The following MORN5 variants were observed in gnomAD, a reference collection of about 807,000 sequenced individuals.
MORN5 encodes the protein MORN repeat containing 5, also known as MORN repeat-containing protein 5.
Under a neutral mutation model 22.1 loss-of-function variants are expected in MORN5, and 21 were observed. The observed-to-expected ratio is 0.95, with a 90% CI of 0.67 to 1.37. The LOEUF (loss-of-function observed/expected upper bound fraction) is 1.37, where lower values mean the gene tolerates loss of function less well. Among genes scored for constraint, MORN5 ranks in the 40% most tolerant of loss-of-function variants. The pLI is 0.00. For synonymous variants in MORN5, 73 were observed against 74.0 expected (o/e 0.99, Z 0.07); for missense variants, 211 against 215.1 (o/e 0.98, Z 0.12).
intron 2 of MORN5, among the ~76,000 whole-genome samples, chr9:122,168,593 G>A (rs1019770565): frequency 1.4e-4 from 21 of 152,166 alleles, no homozygotes; most frequent in African/African-American, 4.8e-4. Flanking sequence ...ATTTCCACCC[G>A]TGTTTCCTGA....
chr9:122,164,426 T>C lies in MORN5; in HGVS notation c.48-2342T>C, dbSNP rs1338672554. Among the ~76,000 whole-genome samples the C allele has an allele frequency of 2.6e-5, 4 of 152,304 alleles. No homozygotes were observed. The East Asian group carries it at 5.8e-4, about 22-fold the overall frequency. ...AAATGTAGGAGAGGTTTGGGGATTT[T>C]ACTGCCAGGAGTTGGCAGCTGATTG... is the stretch of plus-strand genomic sequence containing the variant. On this transcript the variant is annotated intron_variant, in intron 1 of 4. Transcript: ENST00000373764.
chr9:122,165,015 C>T (rs1021210639), intron 1 of MORN5, among the ~76,000 whole-genome samples: 1 of 152,104 alleles, frequency 6.6e-6, no homozygotes, highest in Admixed American at 6.5e-5. Flanking sequence ...TTTAAAGAAG[C>T]TTTTCTTAAA....
intron 4 of MORN5, among the ~76,000 whole-genome samples, chr9:122,195,285 C>T (rs1173104072): frequency 1.3e-5 from 2 of 152,204 alleles, no homozygotes; most frequent in African/African-American, 4.8e-5. Context: ...CGCTCAATTT[C>T]CCTGTTATGA....
chr9:122,193,600 T>C (rs1285419892), intron 4 of MORN5, among the ~76,000 whole-genome samples: 8 of 152,218 alleles, frequency 5.3e-5, no homozygotes, highest in Admixed American at 5.2e-4. Flanking sequence ...GAAAAAAAAG[T>C]AATTTGTCAA....
At position 122,192,227 on chromosome 9, in the gene MORN5, C is replaced by T. The variant is rs373971692; in HGVS notation, c.440-7658C>T. Among the ~76,000 whole-genome samples the T allele has an allele frequency of 1.3e-4, 20 of 152,264 alleles. 1 individual carries two copies. The highest frequency in any genetic ancestry group is 4.8e-4 in the African/African-American group (20 of 41,476). On this transcript the variant is annotated intron_variant, in intron 4 of 4. Coordinates refer to ENST00000373764, the MANE Select transcript of MORN5 (RefSeq NM_198469.4). ...CACATGAGCCCTGAAGTCCTACCCT[C>T]ACAAGTTAACTTCTGGCGTTTCTTT...
chr9:122,178,503 A>G (rs547564506), intron 4 of MORN5, among the ~76,000 whole-genome samples: 2 of 152,216 alleles, frequency 1.3e-5, no homozygotes, highest in Admixed American at 6.5e-5. Flanking sequence ...AAAACAAAAC[A>G]AAATGTGCAT....
At chr9:122,168,947 A>G (rs1233484623) in intron 2 of MORN5, among the ~76,000 whole-genome samples, 1 of 152,166 alleles carries the variant, frequency 6.6e-6, no homozygotes, top group Non-Finnish European at 1.5e-5. Flanking sequence ...GTCCAAACCC[A>G]AGGGCCTCAA....
chr9:122,176,117 CAAAAA>C (rs747126842), intron 4 of MORN5, among the ~76,000 whole-genome samples: 3 of 51,386 alleles, frequency 5.8e-5, no homozygotes, highest in Non-Finnish European at 1.3e-4. Context: ...GACTCCGTCT[CAAAAA>C]AAAAAAAAAA....
intron 3 of MORN5, among the ~76,000 whole-genome samples, chr9:122,170,914 C>T (rs1211982869): frequency 2.0e-5 from 3 of 151,948 alleles, no homozygotes; most frequent in Admixed American, 1.3e-4. Context: ...CACCATGGCA[C>T]GTGTATACCT....
intron 2 of MORN5, among the ~76,000 whole-genome samples, chr9:122,168,578 T>C (rs781660019): frequency 5.3e-5 from 8 of 152,180 alleles, no homozygotes; most frequent in Non-Finnish European, 1.0e-4. Context: ...AATAGTATCA[T>C]TGGAATTTCC....
chr9:122,165,113 A>G (rs1186668412), intron 1 of MORN5, among the ~76,000 whole-genome samples: 2 of 152,250 alleles, frequency 1.3e-5, no homozygotes, highest in Non-Finnish European at 2.9e-5. Context: ...AAAGAAGGTC[A>G]GAGTTAGGAG....
In MORN5 at chr9:122,199,566, C is replaced by T. The variant is rs528039051; in HGVS notation, c.440-319C>T. On this transcript the variant is annotated intron_variant, in intron 4 of 4. Transcript: ENST00000373764. Reference sequence around the variant, plus strand: ...CCTGGGGCTGTCGTGCGTGGGCTGTCAGACCAGGCAAGTGCCCGACTGTGA... The same window carrying T: ...CCTGGGGCTGTCGTGCGTGGGCTGTTAGACCAGGCAAGTGCCCGACTGTGA... 2.6e-5 allele frequency among the ~76,000 whole-genome samples: 4 copies of T among 152,270 alleles called. No individual in the cohort carries two copies. The South Asian group carries it at 8.3e-4, about 32-fold the overall frequency.
At chr9:122,162,608 GT>G (rs1363895222) in intron 1 of MORN5, among the ~76,000 whole-genome samples, 1 of 152,122 alleles carries the variant, frequency 6.6e-6, no homozygotes, top group Non-Finnish European at 1.5e-5. Context: ...ACTAATTGTG[GT>G]ATATCCATTC....
chr9:122,193,883 G>A (rs1404013703), intron 4 of MORN5, among the ~76,000 whole-genome samples: 8 of 152,222 alleles, frequency 5.3e-5, no homozygotes, highest in Non-Finnish European at 1.2e-4. Context: ...GAGGGAAGCG[G>A]GGAGGGAAGC....
At chr9:122,162,163 C>A (rs1012925282) in intron 1 of MORN5, among the ~76,000 whole-genome samples, 4 of 152,304 alleles carry the variant, frequency 2.6e-5, no homozygotes, top group Middle Eastern at 6.8e-3. Flanking sequence ...TCAGTTTCCT[C>A]ATCTGTAAAA....
At chr9:122,166,724 C>G in intron 1 of MORN5, 44 bp from the exon 2 acceptor site, 1 of 1,581,638 alleles carries the variant, frequency 6.3e-7, no homozygotes, top group Non-Finnish European at 8.6e-7. Flanking sequence ...CTCTGATCCT[C>G]CAGCTGTCAC....
chr9:122,181,360 G>A (rs1829536779), intron 4 of MORN5, among the ~76,000 whole-genome samples: 1 of 152,134 alleles, frequency 6.6e-6, no homozygotes, highest in Non-Finnish European at 1.5e-5. Flanking sequence ...GCTGGGAATG[G>A]GCTCATCCTG....
At chr9:122,175,904 G>T (rs142891763) in intron 4 of MORN5, among the ~76,000 whole-genome samples, 1,529 of 152,000 alleles carry the variant, frequency 0.01, 21 homozygotes, top group African/African-American at 0.033. Flanking sequence ...CATGAGGTCA[G>T]GAGATCGAGA....
intron 4 of MORN5, among the ~76,000 whole-genome samples, chr9:122,186,167 G>C (rs781022038): frequency 2.0e-5 from 3 of 152,202 alleles, no homozygotes; most frequent in Non-Finnish European, 2.9e-5. Flanking sequence ...AAAGTTATGA[G>C]TATTGAACGC....
Sources: allele counts gnomAD v4.1 joint callset (sites outside exome capture counted in the v4.1 genomes callset), GRCh38; gene constraint gnomAD v4.1.1; transcripts MANE v1.5; gene names NCBI Gene and HGNC (gene_info 2026-07-23, HGNC 2026-07-21).